Variants in NTRK2 observed in about 807,000 individuals in gnomAD.
The protein encoded by NTRK2 is BDNF/NT-3 growth factors receptor.
Under a neutral mutation model 94.5 loss-of-function variants are expected in NTRK2, and 13 were observed. The observed-to-expected ratio is 0.14, with a 90% CI of 0.09 to 0.22. The LOEUF (loss-of-function observed/expected upper bound fraction) is 0.22. NTRK2 is among the 10% of genes least tolerant of loss of function. The pLI is 1.00. For synonymous variants in NTRK2, 372 were observed against 407.4 expected (o/e 0.91, Z 1.05); for missense variants, 639 against 1,071.2 (o/e 0.60, Z 5.63).
intron 17 of NTRK2, among the ~76,000 whole-genome samples, chr9:84,996,304 C>T (rs1490727691): frequency 6.6e-6 from 1 of 152,202 alleles, no homozygotes; most frequent in Non-Finnish European, 1.5e-5. Context: ...TGGCAGTGAC[C>T]TCCATTATTG....
intron 14 of NTRK2, among the ~76,000 whole-genome samples, chr9:84,888,741 A>T (rs2076498579): frequency 6.9e-6 from 1 of 145,252 alleles, no homozygotes; most frequent in African/African-American, 2.5e-5. Flanking sequence ...GGCACTGGGC[A>T]CCAATCCTAT....
At chr9:84,894,282 C>T (rs939123749) in intron 14 of NTRK2, among the ~76,000 whole-genome samples, 6 of 152,164 alleles carry the variant, frequency 3.9e-5, no homozygotes, top group African/African-American at 1.4e-4. Flanking sequence ...TTGCATCTCA[C>T]ACGTGTAGTT....
intron 14 of NTRK2, chr9:84,874,709 C>T: frequency 1.9e-6 from 2 of 1,062,172 alleles, no homozygotes; most frequent in Non-Finnish European, 1.1e-6. Flanking sequence ...TAACTGGAAG[C>T]AAGAGCCACT....
intron 14 of NTRK2, among the ~76,000 whole-genome samples, chr9:84,928,865 C>A (rs2077917801): frequency 6.6e-6 from 1 of 152,104 alleles, no homozygotes; most frequent in South Asian, 2.1e-4. Context: ...AATCTTTCTC[C>A]TGAAAACTTT....
intron 7 of NTRK2, 70 bp from the exon 8 acceptor site, chr9:84,724,154 A>G (rs2062275233): frequency 3.2e-6 from 5 of 1,566,974 alleles, no homozygotes; most frequent in Non-Finnish European, 4.4e-6. Flanking sequence ...TTAGGGGAAG[A>G]AACCCCAAAT....
chr9:84,967,802 T>C (rs1825727541), intron 17 of NTRK2, among the ~76,000 whole-genome samples: 2 of 152,324 alleles, frequency 1.3e-5, no homozygotes, highest in South Asian at 4.1e-4. Flanking sequence ...TGGAAAGGTA[T>C]GGAGAGATTG....
chr9:84,789,024 G>C (rs535176396), intron 12 of NTRK2, among the ~76,000 whole-genome samples: 1 of 152,302 alleles, frequency 6.6e-6, no homozygotes, highest in East Asian at 1.9e-4. Context: ...TTGAGAAATT[G>C]CTTTTAAGGG....
At chr9:84,863,255 A>C (rs958637400) in intron 13 of NTRK2, among the ~76,000 whole-genome samples, 31 of 152,290 alleles carry the variant, frequency 2.0e-4, no homozygotes, top group African/African-American at 6.7e-4. Context: ...TTAAGTCTAC[A>C]TTAGGCTTAG....
chr9:84,764,358 G>A (rs1311347808), intron 12 of NTRK2, among the ~76,000 whole-genome samples: 3 of 152,122 alleles, frequency 2.0e-5, no homozygotes, highest in African/African-American at 7.2e-5. Flanking sequence ...TTGCAGAGGT[G>A]TTTTTCTAAT....
chr9:84,790,797 C>A (rs528077019), intron 12 of NTRK2, among the ~76,000 whole-genome samples: 1 of 152,290 alleles, frequency 6.6e-6, no homozygotes, highest in South Asian at 2.1e-4. Context: ...CCTGGGGACA[C>A]AAGAGAGAAA....
At chr9:84,670,041 G>A (rs762742917) in intron 1 of NTRK2, among the ~76,000 whole-genome samples, 153 bp downstream of exon 1, 58 of 152,296 alleles carry the variant, frequency 3.8e-4, no homozygotes, top group Non-Finnish European at 7.8e-4. Flanking sequence ...TCATTCGGGG[G>A]CCCCGTCGCG....
intron 12 of NTRK2, among the ~76,000 whole-genome samples, chr9:84,790,215 A>G (rs933815651): frequency 2.0e-5 from 3 of 152,214 alleles, no homozygotes; most frequent in Non-Finnish European, 4.4e-5. Flanking sequence ...AAGTGCCTAA[A>G]GCCTTTTATT....
chr9:84,765,520 C>T (rs989031201), intron 12 of NTRK2, among the ~76,000 whole-genome samples: 6 of 152,114 alleles, frequency 3.9e-5, no homozygotes, highest in Non-Finnish European at 7.4e-5. Context: ...AGAACTTGAG[C>T]GACTTGCCTG....
chr9:84,702,481 G>C (rs1174091747), intron 4 of NTRK2, 62 bp downstream of exon 4: 1 of 1,402,974 alleles, frequency 7.1e-7, no homozygotes, highest in African/African-American at 1.4e-5. Context: ...TCCCCCCTCT[G>C]TTTATTTTCC....
At chr9:84,957,402 C>T (rs541009718) in intron 17 of NTRK2, among the ~76,000 whole-genome samples, 19 of 152,226 alleles carry the variant, frequency 1.2e-4, no homozygotes, top group Non-Finnish European at 2.2e-4. Flanking sequence ...CCTAAAATCT[C>T]AACAATAAAA....
chr9:84,797,454 C>G (rs2069470830), intron 12 of NTRK2, among the ~76,000 whole-genome samples: 1 of 143,578 alleles, frequency 7.0e-6, no homozygotes, highest in Non-Finnish European at 1.5e-5. Context: ...GTGACTGGAT[C>G]CCTCTTCTCT....
At chr9:84,869,011 C>T (rs182562102) in intron 14 of NTRK2, among the ~76,000 whole-genome samples, 141 of 152,196 alleles carry the variant, frequency 9.3e-4, no homozygotes, top group Non-Finnish European at 1.6e-3. Context: ...TAAGTAGACC[C>T]GATCAGCCCA....
intron 12 of NTRK2, among the ~76,000 whole-genome samples, chr9:84,843,169 C>T (rs936482751): frequency 6.6e-6 from 1 of 152,186 alleles, no homozygotes; most frequent in African/African-American, 2.4e-5. Flanking sequence ...ATTCTTCCTA[C>T]TATATGGCAC....
In NTRK2 at chr9:84,986,995, G is replaced by A. The variant is rs964911937; in HGVS notation, c.2172+31478G>A. ...CGAGGAAATGTGAAGTCCATTAGCC[G>A]GGGCTGTTTCTGATGAAGCTGAGGG... On this transcript the variant is annotated intron_variant, in intron 17 of 18. Coordinates refer to ENST00000277120, the MANE Select transcript of NTRK2 (RefSeq NM_006180.6). 2.0e-5 allele frequency among the ~76,000 whole-genome samples: 3 copies of A among 152,188 alleles called. 1 individual carries two copies. Among genetic ancestry groups the A allele is most frequent in the Admixed American group, 6.5e-5 (1 of 15,280 alleles).
Sources: allele counts gnomAD v4.1 joint callset (sites outside exome capture counted in the v4.1 genomes callset), GRCh38; gene constraint gnomAD v4.1.1; transcripts MANE v1.5; gene names NCBI Gene and HGNC (gene_info 2026-07-23, HGNC 2026-07-21).